The following SNTG1 variants were observed in gnomAD, a reference collection of about 807,000 sequenced individuals.
The protein encoded by SNTG1 is syntrophin gamma 1, also known as gamma-1-syntrophin.
A neutral mutation model predicts 74.7 loss-of-function variants in SNTG1; 39 were observed. The ratio of observed to expected loss-of-function variants is 0.52; its 90% CI spans 0.40 to 0.68. The LOEUF is 0.68. SNTG1 is among the 30% of genes least tolerant of loss of function. SNTG1 has a pLI of 0.00. For synonymous variants in SNTG1, 254 were observed against 217.1 expected, an observed-to-expected ratio of 1.17 and a Z score of -1.49; for missense variants, 685 against 609.5, an observed-to-expected ratio of 1.12 and a Z score of -1.30.
At chr8:50,459,689 C>T (rs946979418) in intron 8 of SNTG1, among the ~76,000 whole-genome samples, 1 of 152,068 alleles carries the variant, frequency 6.6e-6, no homozygotes, top group Non-Finnish European at 1.5e-5. Flanking sequence ...TCCCTCCTGC[C>T]TCAGTGTCTA....
At chr8:50,253,909 G>T (rs2086760732) in intron 2 of SNTG1, among the ~76,000 whole-genome samples, 1 of 151,938 alleles carries the variant, frequency 6.6e-6, no homozygotes, top group Non-Finnish European at 1.5e-5. Context: ...GGAGTAGGGA[G>T]GGAAAGATGG....
chr8:50,025,936 A>C (rs1189976792), intron 1 of SNTG1, among the ~76,000 whole-genome samples: 1 of 152,166 alleles, frequency 6.6e-6, no homozygotes, highest in Non-Finnish European at 1.5e-5. Flanking sequence ...ATGAGCTTGC[A>C]TGCAGCCAGC....
At chr8:50,064,114 C>A (rs1820704418) in intron 1 of SNTG1, among the ~76,000 whole-genome samples, 1 of 152,192 alleles carries the variant, frequency 6.6e-6, no homozygotes, top group African/African-American at 2.4e-5. Context: ...TATGGAAATA[C>A]ACATAAAGTA....
chr8:50,391,849 C>T (rs190888336), intron 2 of SNTG1, among the ~76,000 whole-genome samples: 137 of 152,152 alleles, frequency 9.0e-4, no homozygotes, highest in South Asian at 3.7e-3. Context: ...GATCGTCCCC[C>T]TCCAAAACCC....
At position 50,657,026 on chromosome 8, in the gene SNTG1, G is replaced by A. The variant is rs1192104500; in HGVS notation, c.966+1G>A. The A allele has an allele frequency of 1.3e-6, 2 of 1,516,360 alleles. No individual in the cohort carries two copies. The highest frequency in any genetic ancestry group is 2.4e-5 in the East Asian group (1 of 41,210). The allele number at this position is 1,516,360 out of a possible 1,614,324, so 93.9% of individuals were successfully genotyped here. A position where few individuals can be genotyped will look rare whatever the true frequency, so the allele number is the denominator to read the frequency against. ...TCTCTACAAGTTTCTGGCACCTCCAGTACGTGTTTTATTGAAATGTATTGG... is the reference window on the plus strand; with the variant it reads ...TCTCTACAAGTTTCTGGCACCTCCAATACGTGTTTTATTGAAATGTATTGG... On this transcript the variant is annotated splice_donor_variant, in intron 14 of 18. Coordinates refer to ENST00000642720, the MANE Select transcript of SNTG1 (RefSeq NM_018967.5). LOFTEE classifies it high-confidence loss of function.
At chr8:50,445,863 A>T (rs904466872) in intron 5 of SNTG1, among the ~76,000 whole-genome samples, 1 of 152,182 alleles carries the variant, frequency 6.6e-6, no homozygotes, top group Non-Finnish European at 1.5e-5. Flanking sequence ...TCAAATTGTT[A>T]CCAGAATAAA....
At chr8:50,768,257 C>T (rs1048909335) in intron 18 of SNTG1, among the ~76,000 whole-genome samples, 4 of 151,946 alleles carry the variant, frequency 2.6e-5, no homozygotes, top group Non-Finnish European at 4.4e-5. Context: ...TACTTTCTGG[C>T]TAGTCTCTAT....
chr8:50,720,536 G>A (rs962972207), intron 17 of SNTG1, among the ~76,000 whole-genome samples: 2 of 152,168 alleles, frequency 1.3e-5, no homozygotes, highest in Non-Finnish European at 2.9e-5. Context: ...AATTGGGTAG[G>A]TACTTTCATG....
intron 1 of SNTG1, among the ~76,000 whole-genome samples, chr8:49,913,322 T>C (rs1287852521): frequency 1.3e-5 from 2 of 152,244 alleles, no homozygotes; most frequent in East Asian, 1.9e-4. Context: ...CTTTAGGTTT[T>C]ACTTTTAATT....
At chr8:50,051,239 GACAC>G (rs145739550) in intron 1 of SNTG1, among the ~76,000 whole-genome samples, 46 of 147,216 alleles carry the variant, frequency 3.1e-4, no homozygotes, top group African/African-American at 6.0e-4. Flanking sequence ...AGAAAATCTT[GACAC>G]ACACACACAC....
At chr8:50,191,184 T>C (rs2083560577) in intron 2 of SNTG1, among the ~76,000 whole-genome samples, 1 of 152,162 alleles carries the variant, frequency 6.6e-6, no homozygotes, top group African/African-American at 2.4e-5. Context: ...GTTATTTATA[T>C]TATGCTGTGG....
chr8:50,150,303 T>C (rs1337299241), intron 1 of SNTG1, among the ~76,000 whole-genome samples: 2 of 152,160 alleles, frequency 1.3e-5, no homozygotes, highest in Admixed American at 6.5e-5. Context: ...GCTGAGACGG[T>C]GGGGTTTTCT....
chr8:50,632,355 G>C (rs2095006292), intron 13 of SNTG1, among the ~76,000 whole-genome samples: 1 of 151,536 alleles, frequency 6.6e-6, no homozygotes, highest in East Asian at 1.9e-4. Flanking sequence ...CTGTTGTCCA[G>C]GTTGGAGTGC....
intron 2 of SNTG1, among the ~76,000 whole-genome samples, chr8:50,326,491 T>C (rs2090754694): frequency 6.6e-6 from 1 of 152,034 alleles, no homozygotes; most frequent in East Asian, 1.9e-4. Flanking sequence ...TGTTATTTTA[T>C]AGTATTTTTT....
intron 2 of SNTG1, among the ~76,000 whole-genome samples, chr8:50,393,656 T>G (rs2092691190): frequency 6.6e-6 from 1 of 152,232 alleles, no homozygotes; most frequent in Non-Finnish European, 1.5e-5. Flanking sequence ...TTTAGATATT[T>G]TATACATTGA....
At chr8:49,975,894 C>T (rs1461704917) in intron 1 of SNTG1, among the ~76,000 whole-genome samples, 3 of 151,672 alleles carry the variant, frequency 2.0e-5, no homozygotes, top group Non-Finnish European at 2.9e-5. Flanking sequence ...ACATTTTTTC[C>T]TACTTATTTG....
At position 50,312,368 on chromosome 8, in the gene SNTG1, T is replaced by G. The variant is rs117029338; in HGVS notation, c.-27-81844T>G. Among the ~76,000 whole-genome samples the G allele has an allele frequency of 2.1e-4, 32 of 152,290 alleles. No homozygotes were observed. In the East Asian group the frequency reaches 4.4e-3, roughly 21 times the overall value. On this transcript the variant is annotated intron_variant, in intron 2 of 18. Transcript: ENST00000642720. ...ACAGATAGATGGCCCCAACGAAAGATAGCTTATTTCTCCAATAATCTTGAT... is the reference window on the plus strand; with the variant it reads ...ACAGATAGATGGCCCCAACGAAAGAGAGCTTATTTCTCCAATAATCTTGAT...
chr8:49,982,852 A>T (rs1050332844), intron 1 of SNTG1, among the ~76,000 whole-genome samples: 37 of 152,204 alleles, frequency 2.4e-4, no homozygotes, highest in Admixed American at 6.5e-5. Flanking sequence ...ATGTCAGAAT[A>T]CTTCAGAATT....
chr8:50,425,164 G>A (rs10081470), intron 4 of SNTG1, among the ~76,000 whole-genome samples: 25,219 of 151,950 alleles, frequency 0.17, 3,383 homozygotes, highest in African/African-American at 0.37. Flanking sequence ...GGAGATAAGG[G>A]CAAAAAGGGA....
Sources: gnomAD v4.1 joint callset for allele counts (sites outside exome capture counted in the v4.1 genomes callset) on GRCh38, gnomAD v4.1.1 for gene constraint, MANE v1.5 for transcripts, NCBI Gene and HGNC (gene_info 2026-07-23, HGNC 2026-07-21) for gene names.